AQR: variants seen among roughly 807,000 people sequenced by gnomAD.
AQR encodes RNA helicase aquarius.
AQR carries 61 observed loss-of-function variants against 180.5 expected under a neutral mutation model. The ratio of observed to expected loss-of-function variants is 0.34; its 90% CI spans 0.28 to 0.42. The LOEUF (loss-of-function observed/expected upper bound fraction) is 0.42. Ranked by LOEUF, AQR falls within the 10% of genes least tolerant of loss-of-function variation. The pLI, the probability that AQR is intolerant of heterozygous loss-of-function variation, is 1.00. For missense variants in AQR, 1,281 were observed against 1,798.3 expected (o/e 0.71, Z 5.20); for synonymous variants, 551 against 588.8 (o/e 0.94, Z 0.93).
At chr15:34,935,812 T>G (rs1189544361) in intron 9 of AQR, among the ~76,000 whole-genome samples, 2 of 152,228 alleles carry the variant, frequency 1.3e-5, no homozygotes, top group South Asian at 4.1e-4. Context: ...ACATATACAG[T>G]CATTTAAAAT....
chr15:34,945,099 G>A (rs1042678199), intron 5 of AQR, among the ~76,000 whole-genome samples: 2 of 152,028 alleles, frequency 1.3e-5, no homozygotes, highest in Non-Finnish European at 2.9e-5. Context: ...CGCAATATTC[G>A]TAGGGTTCTA....
chr15:34,922,651 T>C (rs1893699301), intron 13 of AQR, among the ~76,000 whole-genome samples: 1 of 152,056 alleles, frequency 6.6e-6, no homozygotes, highest in Non-Finnish European at 1.5e-5. Context: ...TCTCCTGGGC[T>C]CAAGCAATCC....
At chr15:34,887,103 C>A (rs1004594036) in intron 24 of AQR, among the ~76,000 whole-genome samples, 1 of 148,930 alleles carries the variant, frequency 6.7e-6, no homozygotes, top group Non-Finnish European at 1.5e-5. Context: ...CCAGCCTGGG[C>A]GACAAAGCAA....
intron 31 of AQR, chr15:34,869,111 T>G (rs1308929730): frequency 6.6e-6 from 1 of 152,190 alleles, no homozygotes; most frequent in African/African-American, 2.4e-5. Flanking sequence ...CCCAGCAATG[T>G]GTAAACTCTA....
At chr15:34,930,107 A>T in intron 12 of AQR, 151 bp downstream of exon 12, 1 of 485,344 alleles carries the variant, frequency 2.1e-6, no homozygotes, top group Non-Finnish European at 3.6e-6. Flanking sequence ...CTTATTTTTC[A>T]AGAATTCATT....
At chr15:34,969,443 T>G in intron 1 of AQR, 96 bp downstream of exon 1, 2 of 1,289,714 alleles carry the variant, frequency 1.6e-6, no homozygotes, top group Admixed American at 1.9e-5. Flanking sequence ...GAATGCCTCC[T>G]CCGGACTCCT....
intron 1 of AQR, 35 bp downstream of exon 1, chr15:34,969,504 A>G: frequency 2.5e-6 from 4 of 1,611,742 alleles, no homozygotes; most frequent in Non-Finnish European, 2.5e-6. Context: ...CGACGTCCAT[A>G]CCCACTCACA....
chr15:34,890,851 T>C (rs1248230306), intron 23 of AQR, among the ~76,000 whole-genome samples: 1 of 152,234 alleles, frequency 6.6e-6, no homozygotes, highest in African/African-American at 2.4e-5. Context: ...ACTATTCTGA[T>C]GAAAGTCATT....
chr15:34,924,894 A>C (rs1208341385), intron 13 of AQR, among the ~76,000 whole-genome samples: 1 of 150,582 alleles, frequency 6.6e-6, no homozygotes, highest in African/African-American at 2.4e-5. Context: ...AATACCCCAG[A>C]TGAACTATGC....
chr15:34,897,795 A>G, intron 20 of AQR, 90 bp from the exon 21 acceptor site: 2 of 1,365,408 alleles, frequency 1.5e-6, no homozygotes, highest in Non-Finnish European at 2.0e-6. Flanking sequence ...CACGATAATC[A>G]GAGGAGTAAG....
chr15:34,930,372 C>T lies in AQR; in HGVS notation c.901-1G>A, dbSNP rs1566991578. 6.6e-7 allele frequency: 1 copy of T among 1,516,200 alleles called. No homozygotes were observed. Among genetic ancestry groups the T allele is most frequent in the Admixed American group, 1.7e-5 (1 of 59,782 alleles). 93.9% of individuals were successfully genotyped at this position (1,516,200 alleles called of 1,614,324 possible). ...TATAGAATTTAAGCATGTCCAAAAG[C>T]TGAAGAAACACATTTACATGTATAA... On this transcript the variant is annotated splice_acceptor_variant, in intron 11 of 34. Coordinates refer to ENST00000156471, the MANE Select transcript of AQR (RefSeq NM_014691.3). LOFTEE classifies it high-confidence loss of function.
intron 9 of AQR, among the ~76,000 whole-genome samples, chr15:34,936,815 G>A (rs1183322895): frequency 6.6e-6 from 1 of 151,802 alleles, no homozygotes; most frequent in East Asian, 1.9e-4. Context: ...CTATGTTCTT[G>A]CTTTTGAAAC....
chr15:34,934,513 G>A, intron 10 of AQR, 58 bp downstream of exon 10: 15 of 1,266,416 alleles, frequency 1.2e-5, no homozygotes, highest in Non-Finnish European at 1.6e-5. Flanking sequence ...ATGGTCATAT[G>A]CTTAATCTTA....
intron 20 of AQR, among the ~76,000 whole-genome samples, chr15:34,898,701 G>A (rs534070644): frequency 1.1e-4 from 16 of 151,810 alleles, no homozygotes; most frequent in Admixed American, 9.2e-4. Flanking sequence ...TGGCTAACAC[G>A]GCGAAACCCC....
At chr15:34,920,915 G>A (rs1893674488) in intron 13 of AQR, among the ~76,000 whole-genome samples, 1 of 151,704 alleles carries the variant, frequency 6.6e-6, no homozygotes, top group African/African-American at 2.4e-5. Context: ...CCGAGATCGC[G>A]CCACTGTACT....
chr15:34,963,967 C>T (rs905337245), intron 2 of AQR, among the ~76,000 whole-genome samples: 4 of 152,214 alleles, frequency 2.6e-5, no homozygotes, highest in Non-Finnish European at 5.9e-5. Context: ...CAGCCACATA[C>T]ACATTTTTGT....
intron 26 of AQR, among the ~76,000 whole-genome samples, chr15:34,883,299 G>C (rs922841579): frequency 5.9e-5 from 9 of 152,184 alleles, no homozygotes; most frequent in Admixed American, 4.6e-4. Context: ...GGATAAGCCA[G>C]AACATCAACC....
intron 5 of AQR, among the ~76,000 whole-genome samples, chr15:34,944,942 G>A (rs555484039): frequency 1.1e-3 from 165 of 152,282 alleles, no homozygotes; most frequent in Middle Eastern, 6.8e-3. Context: ...TGCTCCAAGC[G>A]TGTGGTCTAT....
intron 27 of AQR, among the ~76,000 whole-genome samples, chr15:34,878,291 C>G (rs1166497731): frequency 1.4e-5 from 2 of 147,360 alleles, no homozygotes; most frequent in East Asian, 2.0e-4. Context: ...GAGGCTGAGG[C>G]ACTAGAAGTG....
Sources: allele counts gnomAD v4.1 joint callset (sites outside exome capture counted in the v4.1 genomes callset), GRCh38; gene constraint gnomAD v4.1.1; transcripts MANE v1.5; gene names NCBI Gene and HGNC (gene_info 2026-07-23, HGNC 2026-07-21).